Variants in DMD observed in about 807,000 individuals in gnomAD.
The protein encoded by DMD is dystrophin, also known as mutant dystrophin.
A neutral mutation model predicts 330.1 loss-of-function variants in DMD; 63 were observed. That is an observed-to-expected ratio of 0.19 (90% confidence interval 0.16 to 0.24). DMD has a LOEUF of 0.24. Ranked by LOEUF, DMD falls within the 10% of genes least tolerant of loss-of-function variation. The probability of loss-of-function intolerance (pLI) is 1.00; values close to 1 mark genes in which losing one functional copy is unlikely to be tolerated. For missense variants in DMD, 3,344 were observed against 2,684.1 expected, an observed-to-expected ratio of 1.25 and a Z score of -5.43; for synonymous variants, 1,223 against 959.8, an observed-to-expected ratio of 1.27 and a Z score of -5.07.
intron 2 of DMD, among the ~76,000 whole-genome samples, chrX:32,878,255 G>A (rs2083541645): frequency 9.0e-6 from 1 of 110,760 alleles, no homozygotes; most frequent in Non-Finnish European, 1.9e-5. Context: ...GCGGGCGCCT[G>A]TAGTCCCAGC....
intron 45 of DMD, among the ~76,000 whole-genome samples, chrX:31,937,411 T>C (rs908017857): frequency 6.3e-5 from 7 of 111,626 alleles, no homozygotes; most frequent in Non-Finnish European, 3.8e-5. Context: ...TTTTACACGA[T>C]ATTTGTGGAA....
intron 41 of DMD, among the ~76,000 whole-genome samples, chrX:32,338,518 TTTAA>T (rs1326068450): frequency 9.0e-6 from 1 of 111,682 alleles, no homozygotes; most frequent in African/African-American, 3.2e-5. Context: ...AAAAAATCCA[TTTAA>T]TTTTTATTTT....
At chrX:32,016,348 C>A (rs748820306) in intron 44 of DMD, among the ~76,000 whole-genome samples, 3 of 111,622 alleles carry the variant, frequency 2.7e-5, no homozygotes, top group African/African-American at 9.8e-5. Context: ...GATAGTACCA[C>A]CCGAGTGAAG....
chrX:31,584,782 T>C (rs1298791093), intron 55 of DMD, among the ~76,000 whole-genome samples: 2 of 110,553 alleles, frequency 1.8e-5, no homozygotes, highest in African/African-American at 6.6e-5. Flanking sequence ...GGACAATTGT[T>C]TGTTTGTTAA....
intron 55 of DMD, among the ~76,000 whole-genome samples, chrX:31,601,119 A>T (rs759285210): frequency 1.6e-4 from 18 of 112,112 alleles, no homozygotes; most frequent in African/African-American, 5.8e-4. Flanking sequence ...GTTAATGGGC[A>T]TGAAAGTTAT....
chrX:32,164,803 C>CA (rs199901860), intron 44 of DMD, among the ~76,000 whole-genome samples: 2 of 108,747 alleles, frequency 1.8e-5, no homozygotes, highest in Non-Finnish European at 3.8e-5. Flanking sequence ...GTCCCCCCCC[C>CA]AACCCCACCA....
chrX:31,547,900 C>G (rs2074242464), intron 55 of DMD, among the ~76,000 whole-genome samples: 1 of 111,796 alleles, frequency 8.9e-6, no homozygotes, highest in Non-Finnish European at 1.9e-5. Context: ...CATTCAATCC[C>G]TCTTCCCATC....
rs1039225511 is a variant in DMD, at chrX:32,605,769, A to G, written c.1482+8534T>C. 2.9e-5 allele frequency among the ~76,000 whole-genome samples: 3 copies of G among 104,851 alleles called. No individual in the cohort carries two copies. The Admixed American group carries it at 3.0e-4, about 10-fold the overall frequency. The allele number at this position is 104,851 out of a possible 115,157, so 91.1% of individuals were successfully genotyped here. On this transcript the variant is annotated intron_variant, in intron 12 of 78. Coordinates refer to ENST00000357033, the MANE Select transcript of DMD (RefSeq NM_004006.3). ...GACATTTTTTAAAAGAAGATATACA[A>G]GTGGCCAACAAACATATGAGAAAAT...
At chrX:31,500,644 T>A (rs916762825) in intron 56 of DMD, among the ~76,000 whole-genome samples, 2 of 112,372 alleles carry the variant, frequency 1.8e-5, no homozygotes, top group African/African-American at 6.5e-5. Context: ...ATGTGGAATA[T>A]CTCCTCCTGA....
chrX:32,345,870 T>C, intron 39 of DMD, 73 bp downstream of exon 39: 1 of 1,104,683 alleles, frequency 9.1e-7, no homozygotes, highest in African/African-American at 1.8e-5. Context: ...ATTTTATTAA[T>C]GCACATTATA....
intron 41 of DMD, among the ~76,000 whole-genome samples, chrX:32,319,998 C>T (rs928046537): frequency 9.1e-6 from 1 of 110,134 alleles, no homozygotes; most frequent in Non-Finnish European, 1.9e-5. Flanking sequence ...GCAAATCGAA[C>T]CCTCCCTCCA....
intron 7 of DMD, among the ~76,000 whole-genome samples, chrX:32,786,785 C>G (rs1263718811): frequency 8.9e-6 from 1 of 111,740 alleles, no homozygotes; most frequent in East Asian, 2.8e-4. Context: ...AATCTTAACT[C>G]CAACTCACTA....
Position 32,468,487 on chromosome X carries a change from T to C in DMD, c.3162+11A>G. The C allele has an allele frequency of 8.4e-7, 1 of 1,188,858 alleles. No homozygotes were observed. Among genetic ancestry groups the C allele is most frequent in the Non-Finnish European group, 1.1e-6 (1 of 879,495 alleles). The stretch of plus-strand genomic sequence containing the variant: ...ATAAAAATGAGGGTAGAAAGTAAAA[T>C]CTTGAATTACCTGAATTTTTCGGAG... On this transcript the variant is annotated intron_variant, in intron 23 of 78. Coordinates refer to ENST00000357033, the MANE Select transcript of DMD (RefSeq NM_004006.3).
chrX:31,710,870 C>T (rs988934474), intron 52 of DMD, among the ~76,000 whole-genome samples: 5 of 111,023 alleles, frequency 4.5e-5, no homozygotes, highest in Non-Finnish European at 9.5e-5. Context: ...TTATGCAGTC[C>T]TTCCTGAAAT....
intron 13 of DMD, among the ~76,000 whole-genome samples, chrX:32,576,319 T>A (rs1231340979): frequency 9.0e-6 from 1 of 111,556 alleles, no homozygotes; most frequent in East Asian, 2.8e-4. Context: ...GATTTTTTTC[T>A]TGCCTTATTA....
chrX:32,510,998 A>G (rs974063588), intron 18 of DMD, among the ~76,000 whole-genome samples: 2 of 109,824 alleles, frequency 1.8e-5, no homozygotes, highest in East Asian at 5.8e-4. Context: ...ATGTACATAT[A>G]TGTACATACA....
At chrX:32,950,832 A>C (rs895371908) in intron 2 of DMD, among the ~76,000 whole-genome samples, 4 of 111,926 alleles carry the variant, frequency 3.6e-5, no homozygotes, top group Non-Finnish European at 7.5e-5. Context: ...TCACTTATTC[A>C]TTCATTCAGT....
At chrX:32,061,037 T>C (rs757561061) in intron 44 of DMD, among the ~76,000 whole-genome samples, 94 of 111,458 alleles carry the variant, frequency 8.4e-4, no homozygotes, top group African/African-American at 3.0e-3. Flanking sequence ...TCACTATCAT[T>C]TTTATGAAGC....
chrX:31,283,944 C>T lies in DMD; in HGVS notation c.9225-22928G>A, dbSNP rs2052823439. ...CTTCAACTTACAATGAGGTTATGTA[C>T]CAATAAACTCATCATAAGTTGAAAA... On this transcript the variant is annotated intron_variant, in intron 62 of 78. Coordinates refer to ENST00000357033, the MANE Select transcript of DMD (RefSeq NM_004006.3). Among the ~76,000 whole-genome samples, 3 of 111,618 alleles carry T rather than the reference C, an allele frequency of 2.7e-5. No homozygotes were observed. In the Admixed American group the frequency reaches 2.9e-4, roughly 11 times the overall value.
Sources: gnomAD v4.1 joint callset for allele counts (sites outside exome capture counted in the v4.1 genomes callset) on GRCh38, gnomAD v4.1.1 for gene constraint, MANE v1.5 for transcripts, NCBI Gene and HGNC (gene_info 2026-07-23, HGNC 2026-07-21) for gene names.